The following DTNA variants were observed in gnomAD, a reference collection of about 807,000 sequenced individuals.
DTNA encodes dystrophin-related protein 3.
DTNA carries 43 observed loss-of-function variants against 100.7 expected under a neutral mutation model. The ratio of observed to expected loss-of-function variants is 0.43; its 90% confidence interval spans 0.33 to 0.55. The LOEUF is 0.55. DTNA is among the 20% of genes least tolerant of loss of function. The pLI is 0.04. For synonymous variants in DTNA, 349 were observed against 347.9 expected (o/e 1.00, Z -0.04); for missense variants, 798 against 953.9 (o/e 0.84, Z 2.15).
intron 14 of DTNA, among the ~76,000 whole-genome samples, chr18:34,848,862 T>C (rs931392587): frequency 3.3e-5 from 5 of 152,244 alleles, no homozygotes; most frequent in African/African-American, 1.2e-4. Context: ...TCAGAATTCA[T>C]CTGTGCTGAC....
chr18:34,691,839 A>G (rs1031291420), intron 1 of DTNA, among the ~76,000 whole-genome samples: 5 of 152,214 alleles, frequency 3.3e-5, no homozygotes, highest in Admixed American at 3.3e-4. Flanking sequence ...GCAATATGCT[A>G]GTCATCTTTC....
intron 1 of DTNA, chr18:34,683,437 T>C (rs2078408661): frequency 6.6e-6 from 1 of 152,196 alleles, no homozygotes; most frequent in South Asian, 2.1e-4. Flanking sequence ...TTCATTTCCT[T>C]CTCATTTATT....
At chr18:34,625,514 G>A (rs1472203545) in intron 1 of DTNA, among the ~76,000 whole-genome samples, 1 of 152,154 alleles carries the variant, frequency 6.6e-6, no homozygotes, top group Admixed American at 6.5e-5. Flanking sequence ...GAAGCATTAG[G>A]TGCCACAAAG....
At chr18:34,799,082 A>G (rs1039718796) in intron 4 of DTNA, among the ~76,000 whole-genome samples, 1 of 152,186 alleles carries the variant, frequency 6.6e-6, no homozygotes, top group Non-Finnish European at 1.5e-5. Flanking sequence ...ATTTATACAC[A>G]TTTGAAAGAG....
At chr18:34,726,157 T>A (rs2086637054) in intron 1 of DTNA, among the ~76,000 whole-genome samples, 1 of 151,994 alleles carries the variant, frequency 6.6e-6, no homozygotes, top group African/African-American at 2.4e-5. Context: ...AATGACGAGT[T>A]CATAGGTGCA....
At chr18:34,669,455 T>A (rs1173404135) in intron 1 of DTNA, among the ~76,000 whole-genome samples, 1 of 152,226 alleles carries the variant, frequency 6.6e-6, no homozygotes, top group African/African-American at 2.4e-5. Context: ...ATGTGTGAAT[T>A]TGATCCTGTC....
At chr18:34,579,099 T>A (rs1403053739) in intron 1 of DTNA, among the ~76,000 whole-genome samples, 2 of 152,158 alleles carry the variant, frequency 1.3e-5, no homozygotes, top group South Asian at 4.1e-4. Flanking sequence ...ATTGCACACA[T>A]GCATCTTTAT....
chr18:34,873,947 T>C (rs927403459), intron 17 of DTNA, among the ~76,000 whole-genome samples: 2 of 152,064 alleles, frequency 1.3e-5, no homozygotes, highest in African/African-American at 4.8e-5. Flanking sequence ...CTGTTGAGAG[T>C]GAAAGAATGG....
intron 1 of DTNA, among the ~76,000 whole-genome samples, chr18:34,643,788 A>G (rs1463367789): frequency 6.6e-6 from 1 of 152,162 alleles, no homozygotes; most frequent in Non-Finnish European, 1.5e-5. Context: ...ATCTTAATAA[A>G]ATTATCATTA....
chr18:34,848,223 T>G, intron 13 of DTNA, 73 bp from the exon 14 acceptor site: 1 of 1,452,698 alleles, frequency 6.9e-7, no homozygotes, highest in Non-Finnish European at 9.6e-7. Flanking sequence ...TAGTAAAAAC[T>G]CCTTGTGGTA....
intron 1 of DTNA, among the ~76,000 whole-genome samples, chr18:34,606,786 G>A (rs531417101): frequency 1.3e-5 from 2 of 152,244 alleles, no homozygotes; most frequent in South Asian, 4.2e-4. Context: ...ATATGAAAGG[G>A]CATGGTGTGC....
At chr18:34,577,830 C>T (rs1473537962) in intron 1 of DTNA, among the ~76,000 whole-genome samples, 1 of 151,926 alleles carries the variant, frequency 6.6e-6, no homozygotes, top group South Asian at 2.1e-4. Context: ...GTGTGTGTGA[C>T]ATACCACAGT....
At chr18:34,591,631 T>A (rs2049735714) in intron 1 of DTNA, among the ~76,000 whole-genome samples, 1 of 152,216 alleles carries the variant, frequency 6.6e-6, no homozygotes, top group Non-Finnish European at 1.5e-5. Context: ...ATGTGTACTT[T>A]CTGGACTATT....
At chr18:34,794,726 G>A (rs2149050966) in intron 4 of DTNA, among the ~76,000 whole-genome samples, 1 of 152,298 alleles carries the variant, frequency 6.6e-6, no homozygotes, top group South Asian at 2.1e-4. Flanking sequence ...TGCGTTAAAT[G>A]GACTGGTCAA....
At chr18:34,494,831 A>G (rs1205543483) in intron 1 of DTNA, among the ~76,000 whole-genome samples, 1 of 151,774 alleles carries the variant, frequency 6.6e-6, no homozygotes, top group Non-Finnish European at 1.5e-5. Flanking sequence ...TTCCTTTTGA[A>G]CCTCAGAGAT....
chr18:34,500,012 T>C (rs190478106), intron 1 of DTNA, among the ~76,000 whole-genome samples: 1 of 152,326 alleles, frequency 6.6e-6, no homozygotes. Flanking sequence ...TTGTTTTTCT[T>C]TTTCAAAATT....
chr18:34,634,482 CTT>C (rs2058440633), intron 1 of DTNA, among the ~76,000 whole-genome samples: 1 of 152,142 alleles, frequency 6.6e-6, no homozygotes, highest in African/African-American at 2.4e-5. Context: ...TTGCAAATCT[CTT>C]TAACGTCTGG....
intron 1 of DTNA, among the ~76,000 whole-genome samples, chr18:34,532,117 A>G (rs2145521968): frequency 6.6e-6 from 1 of 152,286 alleles, no homozygotes; most frequent in East Asian, 1.9e-4. Flanking sequence ...GAGACATGAC[A>G]TCCGCCTCCT....
At chr18:34,837,464 ATGT>A (rs1255952732) in intron 11 of DTNA, among the ~76,000 whole-genome samples, 2 of 152,232 alleles carry the variant, frequency 1.3e-5, no homozygotes, top group Non-Finnish European at 2.9e-5. Context: ...TGAATCCATA[ATGT>A]TAAGAATTTG....
Sources: allele counts gnomAD v4.1 joint callset (sites outside exome capture counted in the v4.1 genomes callset), GRCh38; gene constraint gnomAD v4.1.1; transcripts MANE v1.5; gene names NCBI Gene and HGNC (gene_info 2026-07-23, HGNC 2026-07-21).